The following MUC5B variants were observed in gnomAD, a reference collection of about 807,000 sequenced individuals.
MUC5B encodes the protein mucin-5B.
In MUC5B, 116 loss-of-function variants were observed where a neutral mutation model predicts 376.9. The ratio of observed to expected loss-of-function variants is 0.31; its 90% confidence interval spans 0.26 to 0.36. The LOEUF (loss-of-function observed/expected upper bound fraction) is 0.36, where lower values mean the gene tolerates loss of function less well. Among genes scored for constraint, MUC5B ranks in the 10% least tolerant of loss-of-function variants. The probability of loss-of-function intolerance (pLI) is 1.00; values close to 1 mark genes in which losing one functional copy is unlikely to be tolerated. For missense variants in MUC5B, 7,165 were observed against 7,769.9 expected, an observed-to-expected ratio of 0.92 and a Z score of 2.93; for synonymous variants, 3,517 against 3,390.9, an observed-to-expected ratio of 1.04 and a Z score of -1.29.
In MUC5B at chr11:1,253,075, G is replaced by A. The variant is rs1362994046; in HGVS notation, c.15217+95G>A. ...GCAGAATGGGGCATGGTGGGGCACA[G>A]TGGGGTGCAGTGGGGAATGGTGGGG... On this transcript the variant is annotated intron_variant, in intron 33 of 48. Coordinates refer to ENST00000529681, the MANE Select transcript of MUC5B (RefSeq NM_002458.3). The surrounding 1 kb of genome is among the most constrained non-coding windows in gnomAD (Gnocchi z 4.3). 1.0e-5 allele frequency: 14 copies of A among 1,372,994 alleles called. No homozygotes were observed. The African/African-American group carries it at 1.9e-4, about 18-fold the overall frequency. 85.1% of individuals were successfully genotyped at this position (1,372,994 alleles called of 1,614,324 possible).
Position 1,226,826 on chromosome 11 carries a change from G to A in MUC5B, c.411G>A (p.Gln137=). 1 of 1,610,654 alleles carries A rather than the reference G, an allele frequency of 6.2e-7. No individual in the cohort carries two copies. Among genetic ancestry groups the A allele is most frequent in the South Asian group, 1.1e-5 (1 of 91,064 alleles). The change falls in exon 4 of 49, where the codon CAG becomes CAA. Residue 137 remains glutamine, a synonymous_variant. Coordinates refer to ENST00000529681, the MANE Select transcript of MUC5B (RefSeq NM_002458.3). Reference sequence around the variant, plus strand: ...TCACCCGTGTTGTCATCAAGGCCCAGGGGCTGGTGCTGGAGGCGTCCAACG... The same window carrying A: ...TCACCCGTGTTGTCATCAAGGCCCAAGGGCTGGTGCTGGAGGCGTCCAACG... ...PVVTRVVIKA[Q]GLVLEASNGS... is the part of the protein sequence containing the mutation.
chr11:1,228,719 C>T lies in MUC5B; in HGVS notation c.930C>T (p.Ala310=), dbSNP rs1409814177. The change falls in exon 8 of 49, where the codon GCC becomes GCT. Residue 310 remains alanine, a synonymous_variant. Transcript: ENST00000529681. ...ATFVEYSRQC[A]HAGGQPRNWR... is the part of the protein sequence containing the mutation. ...TTGTGGAATACTCACGCCAGTGCGC[C>T]CACGCGGGGGGCCAGCCGCGGAACT... 6.5e-7 allele frequency: 1 copy of T among 1,526,958 alleles called. No homozygotes were observed. The highest frequency in any genetic ancestry group is 2.5e-5 in the East Asian group (1 of 40,646). 94.6% of individuals were successfully genotyped at this position (1,526,958 alleles called of 1,614,324 possible).
At position 1,246,612 on chromosome 11, in the gene MUC5B, C is replaced by T. The variant is rs1490299840; in HGVS notation, c.9732C>T (p.Ser3244=). ...GCGTTACAGCCATCCCCTCTTCCTCCCTGGGCACCGCCTGGACCCGCCTAT... is the reference window on the plus strand; with the variant it reads ...GCGTTACAGCCATCCCCTCTTCCTCTCTGGGCACCGCCTGGACCCGCCTAT... The part of the protein sequence containing the change: ...ATSVTAIPSS[S]LGTAWTRLSQ... Residue 3244 remains serine (S), a synonymous_variant, in exon 31 of 49, where the codon TCC becomes TCT. Coordinates refer to ENST00000529681, the MANE Select transcript of MUC5B (RefSeq NM_002458.3). 1 of 1,613,208 alleles carries T rather than the reference C, an allele frequency of 6.2e-7. No homozygotes were observed. The highest frequency in any genetic ancestry group is 8.5e-7 in the Non-Finnish European group (1 of 1,179,624).
At position 1,250,857 on chromosome 11, in the gene MUC5B, G is replaced by T; in HGVS notation, c.13977G>T (p.Val4659=). 6.2e-7 allele frequency: 1 copy of T among 1,605,684 alleles called. No homozygotes were observed. The highest frequency in any genetic ancestry group is 8.5e-7 in the Non-Finnish European group (1 of 1,176,366). ...ARVLTTTTTT[V]ATGSMATPSS... is the part of the protein sequence containing the mutation. ...TGCTGACCACCACCACCACAACTGT[G>T]GCCACTGGTTCTATGGCAACACCCT... The change falls in exon 31 of 49, where the codon GTG becomes GTT. Residue 4659 remains valine (V), a synonymous_variant. Coordinates refer to ENST00000529681, the MANE Select transcript of MUC5B (RefSeq NM_002458.3).
chr11:1,252,517 T>C lies in MUC5B; in HGVS notation c.15038T>C (p.Leu5013Pro), dbSNP rs1392708828. 6.5e-7 allele frequency: 1 copy of C among 1,548,070 alleles called. No homozygotes were observed. The highest frequency in any genetic ancestry group is 1.2e-5 in the South Asian group (1 of 81,248). ...CCTGGCTGTGACAATGCCATCCCTC[T>C]CCGGCAGGTGGGCCCCGCCTGCCCT... ...PAPGCDNAIP[L>P]RQVNETWTLE... Residue 5013 changes from leucine (L) to proline (P), a missense_variant, in exon 32 of 49, where the codon CTC becomes CCC. Leu to Pro is a moderately conservative substitution (Grantham distance 98). Transcript: ENST00000529681.
Position 1,248,605 on chromosome 11 carries a change from G to C in MUC5B, c.11725G>C (p.Val3909Leu), listed in dbSNP as rs2943521. Residue 3909 changes from valine to leucine, a missense_variant, in exon 31 of 49, where the codon GTC (valine) becomes CTC (leucine). By Grantham distance (32) the Val-to-Leu change is conservative. Around this residue, in one of 31 missense-constraint regions of MUC5B, gnomAD observed 242 missense variants for 199.0 expected, o/e 1.22. Coordinates refer to ENST00000529681, the MANE Select transcript of MUC5B (RefSeq NM_002458.3). The stretch of plus-strand genomic sequence containing the variant: ...TGGCTCCACGGTGACCCCCTCCTCC[G>C]TCCCGGGGACCACCCACACCCCCAC... The part of the protein sequence containing the change: ...TSGSTVTPSS[V>L]PGTTHTPTVL... The C allele has an allele frequency of 6.2e-7, 1 of 1,611,246 alleles. No homozygotes were observed. Among genetic ancestry groups the C allele is most frequent in the East Asian group, 2.2e-5 (1 of 44,736 alleles).
At position 1,225,663 on chromosome 11, in the gene MUC5B, C is replaced by T. The variant is rs1455774190; in HGVS notation, c.71-18C>T. On this transcript the variant is annotated intron_variant, in intron 1 of 48. Coordinates refer to ENST00000529681, the MANE Select transcript of MUC5B (RefSeq NM_002458.3). ...CCACATCTAGTTCCTCACTGACTCC[C>T]ATTCCCTCTTCCCACAGAGACCCAG... 1 of 1,590,020 alleles carries T rather than the reference C, an allele frequency of 6.3e-7. No homozygotes were observed. The highest frequency in any genetic ancestry group is 1.8e-5 in the Admixed American group (1 of 56,772).
rs2735709 is a variant in MUC5B at position 1,231,478 on chromosome 11, G to C, written c.1596G>C (p.Leu532=). The C allele has an allele frequency of 0.52, 835,689 of 1,608,528 alleles. 218,872 individuals are homozygous for C. Among genetic ancestry groups the C allele is most frequent in the East Asian group, 0.7 (31,106 of 44,664 alleles). Residue 532 remains leucine (L), a synonymous_variant, in exon 14 of 49, where the codon CTG becomes CTC. Coordinates refer to ENST00000529681, the MANE Select transcript of MUC5B (RefSeq NM_002458.3). The part of the protein sequence containing the change: ...SSFFIVVQTG[L]GLQLLVQLVP... ...TCTTCATCGTGGTGCAGACAGGCCT[G>C]GGGCTGCAGCTGCTGGTGCAGCTGG...
Position 1,246,208 on chromosome 11 carries a change from A to T in MUC5B, c.9328A>T (p.Thr3110Ser). 6.2e-7 allele frequency: 1 copy of T among 1,611,868 alleles called. No individual in the cohort carries two copies. Among genetic ancestry groups the T allele is most frequent in the Non-Finnish European group, 8.5e-7 (1 of 1,179,336 alleles). ...PETTHTSTVL[T>S]TKATTTRATS... is the part of the protein sequence containing the mutation. Reference sequence around the variant, plus strand: ...GACCACCCACACCTCCACAGTGCTGACCACGAAGGCCACCACGACAAGGGC... The same window carrying T: ...GACCACCCACACCTCCACAGTGCTGTCCACGAAGGCCACCACGACAAGGGC... The change falls in exon 31 of 49, where the codon ACC (threonine) becomes TCC (serine). Residue 3110 changes from threonine (T) to serine (S), a missense_variant. Coordinates refer to ENST00000529681, the MANE Select transcript of MUC5B (RefSeq NM_002458.3).
chr11:1,231,336 GC>G (rs1862023289), intron 13 of MUC5B, 86 bp from the exon 14 acceptor site: 1 of 1,452,948 alleles, frequency 6.9e-7, no homozygotes, highest in Non-Finnish European at 9.2e-7. Flanking sequence ...CAGTGGGGTG[GC>G]CCGGCCCACT....
chr11:1,246,142 A>C lies in MUC5B; in HGVS notation c.9262A>C (p.Met3088Leu), dbSNP rs60867894. ...GTLPEQTTTP[M>L]ATMSTIHPSS... is the part of the protein sequence containing the mutation. ...CCTCCCAGAACAGACCACCACACCCATGGCCACCATGTCCACAATCCACCC... is the reference window on the plus strand; with the variant it reads ...CCTCCCAGAACAGACCACCACACCCCTGGCCACCATGTCCACAATCCACCC... The change falls in exon 31 of 49, where the codon ATG becomes CTG. Residue 3088 changes from methionine to leucine, a missense_variant. By Grantham distance (15) the Met-to-Leu change is conservative (BLOSUM62 2). This residue lies in a region of MUC5B where 939 missense variants were observed against 770.6 expected (regional missense o/e 1.22). Transcript: ENST00000529681. 1 of 1,596,804 alleles carries C rather than the reference A, an allele frequency of 6.3e-7. No homozygotes were observed.
In MUC5B at chr11:1,244,617, G is replaced by T; in HGVS notation, c.7737G>T (p.Val2579=). Reference sequence around the variant, plus strand: ...CAGAGACTGTCCACACCTCCACAGTGCTTACCACCACGGCCACCACAACCG... The same window carrying T: ...CAGAGACTGTCCACACCTCCACAGTTCTTACCACCACGGCCACCACAACCG... ...STPETVHTST[V]LTTTATTTGA... The change falls in exon 31 of 49, where the codon GTG becomes GTT. Residue 2579 remains valine, a synonymous_variant. Transcript: ENST00000529681. The T allele has an allele frequency of 2.5e-6, 4 of 1,613,436 alleles. No individual in the cohort carries two copies. The highest frequency in any genetic ancestry group is 3.4e-6 in the Non-Finnish European group (4 of 1,179,744).
chr11:1,244,379 C>T lies in MUC5B; in HGVS notation c.7499C>T (p.Ala2500Val), dbSNP rs376957214. 309 of 1,595,798 alleles carry T rather than the reference C, an allele frequency of 1.9e-4. No homozygotes were observed. In the African/African-American group the frequency reaches 3.8e-3, roughly 20 times the overall value. The change falls in exon 31 of 49, where the codon GCC (alanine) becomes GTC (valine). Residue 2500 changes from alanine (A) to valine (V), a missense_variant. By Grantham distance (64) the Ala-to-Val change is moderately conservative (BLOSUM62 0). Around this residue, in one of 31 missense-constraint regions of MUC5B, gnomAD observed 194 missense variants for 268.5 expected, o/e 0.72. Coordinates refer to ENST00000529681, the MANE Select transcript of MUC5B (RefSeq NM_002458.3). The part of the protein sequence containing the change: ...TAGTPHVSTT[A>V]TTPTVTSSKA... ...GGCACCCCACATGTGAGCACCACGG[C>T]CACGACACCCACAGTCACCAGCTCC...
rs1449661875 is a variant in MUC5B at position 1,242,551 on chromosome 11, A to T, written c.5671A>T (p.Thr1891Ser). 6.2e-7 allele frequency: 1 copy of T among 1,613,662 alleles called. No homozygotes were observed. Among genetic ancestry groups the T allele is most frequent in the African/African-American group, 1.3e-5 (1 of 74,842 alleles). The change falls in exon 31 of 49, where the codon ACC becomes TCC. Residue 1891 changes from threonine (T) to serine (S), a missense_variant. Transcript: ENST00000529681. Reference protein sequence around the residue: ...DYSHCPSTPATSSTATPSSTP... With the variant: ...DYSHCPSTPASSSTATPSSTP... ...CAGCCACTGCCCCAGTACCCCAGCC[A>T]CCAGCTCCACGGCCACGCCCTCCTC...
At chr11:1,239,734 T>C (rs762530941) in intron 27 of MUC5B, 65 bp from the exon 28 acceptor site, 128 of 1,536,536 alleles carry the variant, frequency 8.3e-5, no homozygotes, top group Non-Finnish European at 1.1e-4. Flanking sequence ...CCCTGCAGCA[T>C]GGAGCCCCTG....
Position 1,231,441 on chromosome 11 carries a change from C to T in MUC5B, c.1559C>T (p.Thr520Ile). ...PLSAANITLF[T>I]PSSFFIVVQT... ...CCGGCAGCCAACATCACCCTGTTCA[C>T]ACCCTCGAGCTTCTTCATCGTGGTG... Residue 520 changes from threonine to isoleucine, a missense_variant, in exon 14 of 49, where the codon ACA becomes ATA. By Grantham distance (89) the Thr-to-Ile change is moderately conservative. This residue lies in a region of MUC5B where 640 missense variants were observed against 733.0 expected (regional missense o/e 0.87). Transcript: ENST00000529681. The T allele has an allele frequency of 2.5e-6, 4 of 1,611,874 alleles. No individual in the cohort carries two copies. The highest frequency in any genetic ancestry group is 1.3e-5 in the African/African-American group (1 of 75,050).
At chr11:1,233,877 C>T in intron 19 of MUC5B, 29 bp downstream of exon 19, 1 of 1,565,428 alleles carries the variant, frequency 6.4e-7, no homozygotes, top group Non-Finnish European at 8.7e-7. Flanking sequence ...CTGCCCTGCC[C>T]TGCCCCGCCC....
rs1442612217 is a variant in MUC5B at position 1,243,238 on chromosome 11, C to T, written c.6358C>T (p.Pro2120Ser). 1.3e-6 allele frequency: 2 copies of T among 1,560,776 alleles called. No individual in the cohort carries two copies. Among genetic ancestry groups the T allele is most frequent in the African/African-American group, 1.4e-5 (1 of 72,916 alleles). ...TGTGGCCACTGGTTCTATGGCAACA[C>T]CCTCCTCTAGCACACAGACCAGTGG... ...TTVATGSMAT[P>S]SSSTQTSGTP... The change falls in exon 31 of 49, where the codon CCC becomes TCC. Residue 2120 changes from proline (P) to serine (S), a missense_variant. This residue lies in a region of MUC5B where 897 missense variants were observed against 779.6 expected (regional missense o/e 1.15). Transcript: ENST00000529681.
In MUC5B at chr11:1,242,198, C is replaced by G; in HGVS notation, c.5318C>G (p.Thr1773Ser). The G allele has an allele frequency of 6.2e-7, 1 of 1,613,656 alleles. No homozygotes were observed. The highest frequency in any genetic ancestry group is 8.5e-7 in the Non-Finnish European group (1 of 1,179,876). ...ACAGAGACGACAATGAGCCCCTTGA[C>G]TAACACCACCACCAGCCAGGGCACG... ...PRTETTMSPLTNTTTSQGTTR... is the reference protein window; with the variant it reads ...PRTETTMSPLSNTTTSQGTTR... The change falls in exon 31 of 49, where the codon ACT becomes AGT. Residue 1773 changes from threonine (T) to serine (S), a missense_variant. Physicochemically the swap from Thr to Ser is moderately conservative, Grantham distance 58 (BLOSUM62 1). This residue lies in a region of MUC5B where 897 missense variants were observed against 779.6 expected (regional missense o/e 1.15). Coordinates refer to ENST00000529681, the MANE Select transcript of MUC5B (RefSeq NM_002458.3).
Sources: gnomAD v4.1 joint callset for allele counts on GRCh38, gnomAD v4.1.1 for gene constraint, gnomAD v4.1.1 regional missense constraint, Gnocchi (gnomAD v3.1) non-coding constraint, MANE v1.5 for transcripts, NCBI Gene and HGNC (gene_info 2026-07-23, HGNC 2026-07-21) for gene names.